The following ALDH1A3 variants were observed in gnomAD, a reference collection of about 807,000 sequenced individuals.
ALDH1A3 encodes the protein retinaldehyde dehydrogenase 3.
In ALDH1A3, 28 loss-of-function variants were observed where a neutral mutation model predicts 57.5. The observed-to-expected ratio is 0.49, with a 90% CI of 0.36 to 0.67. ALDH1A3 has a LOEUF of 0.67. Among genes scored for constraint, ALDH1A3 ranks in the 30% least tolerant of loss-of-function variants. ALDH1A3 has a pLI of 0.00. For synonymous variants in ALDH1A3, 281 were observed against 264.8 expected, an observed-to-expected ratio of 1.06 and a Z score of -0.59; for missense variants, 507 against 669.4, an observed-to-expected ratio of 0.76 and a Z score of 2.68.
rs916173685 is a variant in ALDH1A3 at position 100,907,529 on chromosome 15, G to A, written c.1391+251G>A. On this transcript the variant is annotated intron_variant, in intron 11 of 12. Coordinates refer to ENST00000329841, the MANE Select transcript of ALDH1A3 (RefSeq NM_000693.4). The stretch of plus-strand genomic sequence containing the variant: ...AGGGTCACACAGCTAGCAGATGGCC[G>A]AGAGGGCTCCAGTACCTGTGCCTGT... Among the ~76,000 whole-genome samples the A allele has an allele frequency of 4.6e-5, 7 of 152,172 alleles. 1 individual carries two copies. The highest frequency in any genetic ancestry group is 4.1e-4 in the South Asian group (2 of 4,830).
At chr15:100,898,245 A>G (rs1173034035) in intron 8 of ALDH1A3, 60 bp downstream of exon 8, 2 of 1,472,786 alleles carry the variant, frequency 1.4e-6, no homozygotes, top group African/African-American at 1.4e-5. Context: ...GTCTCCCCCT[A>G]CTTCCTGGCC....
chr15:100,901,893 C>G (rs928630413), intron 9 of ALDH1A3, among the ~76,000 whole-genome samples: 1 of 152,208 alleles, frequency 6.6e-6, no homozygotes. Flanking sequence ...AGTCCACACA[C>G]TCCGACGCCA....
chr15:100,910,213 A>T (rs1179457649), intron 12 of ALDH1A3, among the ~76,000 whole-genome samples: 2 of 152,254 alleles, frequency 1.3e-5, no homozygotes, highest in African/African-American at 2.4e-5. Context: ...AAGCCTGTCC[A>T]TTAGCCTTCC....
At chr15:100,880,060 C>T (rs2041530446) in intron 1 of ALDH1A3, 54 bp downstream of exon 1, 1 of 1,300,514 alleles carries the variant, frequency 7.7e-7, no homozygotes, top group Non-Finnish European at 1.0e-6. Flanking sequence ...GCTGGGCAGC[C>T]AGACTCGGGG....
At position 100,898,051 on chromosome 15, in the gene ALDH1A3, A is replaced by G. The variant is rs201651488; in HGVS notation, c.781-32A>G. The G allele has an allele frequency of 7.5e-6, 12 of 1,595,480 alleles. No homozygotes were observed. The East Asian group carries it at 2.2e-4, about 30-fold the overall frequency. ...CCTGGGCCAAGTTCAGCAACATCCA[A>G]GGTAAATTGTGATCTGTGTTCTGTC... On this transcript the variant is annotated intron_variant, in intron 7 of 12. Transcript: ENST00000329841.
Position 100,916,355 on chromosome 15 carries a change from G to A in ALDH1A3, c.*1582G>A, listed in dbSNP as rs889541583. 3.3e-5 allele frequency: 5 copies of A among 152,384 alleles called. No homozygotes were observed. The highest frequency in any genetic ancestry group is 3.3e-4 in the Admixed American group (5 of 15,272). 9.4% of individuals were successfully genotyped at this position (152,384 alleles called of 1,614,324 possible). ...GAGGGTTCCTATTCTTCCATTGTACGATAATGTCTTTAATATGAAATGCTA... is the reference window on the plus strand; with the variant it reads ...GAGGGTTCCTATTCTTCCATTGTACAATAATGTCTTTAATATGAAATGCTA... On this transcript the variant is annotated 3_prime_UTR_variant, in exon 13 of 13. Transcript: ENST00000329841.
In ALDH1A3 at chr15:100,894,186, C is replaced by G; in HGVS notation, c.666+104C>G. 2 of 1,419,072 alleles carry G rather than the reference C, an allele frequency of 1.4e-6. No homozygotes were observed. Among genetic ancestry groups the G allele is most frequent in the South Asian group, 2.6e-5 (2 of 75,714 alleles). 87.9% of individuals were successfully genotyped at this position (1,419,072 alleles called of 1,614,324 possible). ...GGGACAGTGGCAGACTGCTGGCAAT[C>G]GAGTGGGAAGGGAATGACTTCCAGT... is the stretch of plus-strand genomic sequence containing the variant. On this transcript the variant is annotated intron_variant, in intron 6 of 12. Transcript: ENST00000329841. The surrounding 1 kb of genome is among the most constrained non-coding windows in gnomAD (Gnocchi z 4.5).
chr15:100,902,020 G>A (rs538938985), intron 9 of ALDH1A3, among the ~76,000 whole-genome samples: 268 of 152,332 alleles, frequency 1.8e-3, no homozygotes, highest in Non-Finnish European at 3.0e-3. Flanking sequence ...AATGGCCTCG[G>A]CTGGATTTCA....
chr15:100,900,732 C>T lies in ALDH1A3; in HGVS notation c.1041C>T (p.Phe347=), dbSNP rs748661660. 10 of 1,614,084 alleles carry T rather than the reference C, an allele frequency of 6.2e-6. No individual in the cohort carries two copies. The highest frequency in any genetic ancestry group is 1.1e-5 in the South Asian group (1 of 91,062). The change falls in exon 9 of 13, where the codon TTC becomes TTT. Residue 347 remains phenylalanine, a synonymous_variant. Coordinates refer to ENST00000329841, the MANE Select transcript of ALDH1A3 (RefSeq NM_000693.4). ...YAKKRPVGDP[F]DVKTEQGPQI... is the part of the protein sequence containing the mutation. ...AGAAACGGCCCGTGGGAGACCCCTTCGATGTCAAAACAGAACAGGGGCCTC... is the reference window on the plus strand; with the variant it reads ...AGAAACGGCCCGTGGGAGACCCCTTTGATGTCAAAACAGAACAGGGGCCTC...
intron 1 of ALDH1A3, among the ~76,000 whole-genome samples, chr15:100,882,838 T>C (rs1344126218): frequency 6.6e-6 from 1 of 152,238 alleles, no homozygotes; most frequent in East Asian, 1.9e-4. Context: ...TACCCTTTCC[T>C]TATATTTGTG....
intron 9 of ALDH1A3, among the ~76,000 whole-genome samples, chr15:100,903,429 G>A (rs1278486061): frequency 6.6e-6 from 1 of 152,182 alleles, no homozygotes; most frequent in Non-Finnish European, 1.5e-5. Context: ...GCTGGATGAA[G>A]CCACCAGAAT....
In ALDH1A3 at chr15:100,893,227, T is replaced by C. The variant is rs550044894; in HGVS notation, c.537+221T>C. ...TTTAGGCATGCCACAGAAAGCACTG[T>C]GGTTCCCAGCCAGAGTGGTCAGGAA... On this transcript the variant is annotated intron_variant, in intron 5 of 12. Transcript: ENST00000329841. This position sits in a 1 kb window ranked among gnomAD's most constrained non-coding sequence, Gnocchi z 4.8. 26 of 447,576 alleles carry C rather than the reference T, an allele frequency of 5.8e-5. No homozygotes were observed. Among genetic ancestry groups the C allele is most frequent in the African/African-American group, 4.3e-4 (22 of 50,784 alleles). The allele number at this position is 447,576 out of a possible 1,614,324, so 27.7% of individuals were successfully genotyped here.
At chr15:100,905,378 C>A in intron 9 of ALDH1A3, 145 bp from the exon 10 acceptor site, 1 of 1,016,744 alleles carries the variant, frequency 9.8e-7, no homozygotes, top group Non-Finnish European at 1.4e-6. Context: ...TATTTGCCTG[C>A]AAGGCTCATT....
chr15:100,904,864 A>G (rs2041807094), intron 9 of ALDH1A3, among the ~76,000 whole-genome samples: 1 of 152,168 alleles, frequency 6.6e-6, no homozygotes, highest in Non-Finnish European at 1.5e-5. Flanking sequence ...CCCCACCTGG[A>G]GGCTCATTCT....
chr15:100,909,892 C>A (rs1009065635), intron 12 of ALDH1A3, among the ~76,000 whole-genome samples: 1 of 152,190 alleles, frequency 6.6e-6, no homozygotes, highest in Non-Finnish European at 1.5e-5. Context: ...CTCTAGGGAC[C>A]CAAACTCTTC....
chr15:100,915,078 G>A lies in ALDH1A3; in HGVS notation c.*305G>A. ...ATACTCAGGGCGTTGTTAACAGGGAGTGGTATTTGAAGTGTCCAGCAGTTG... is the reference window on the plus strand; with the variant it reads ...ATACTCAGGGCGTTGTTAACAGGGAATGGTATTTGAAGTGTCCAGCAGTTG... On this transcript the variant is annotated 3_prime_UTR_variant, in exon 13 of 13. Transcript: ENST00000329841. 2.6e-6 allele frequency: 1 copy of A among 381,750 alleles called. No homozygotes were observed. The highest frequency in any genetic ancestry group is 2.9e-5 in the South Asian group (1 of 33,958). The allele number at this position is 381,750 out of a possible 1,614,324, so 23.6% of individuals were successfully genotyped here. A position where few individuals can be genotyped will look rare whatever the true frequency, so the allele number is the denominator to read the frequency against.
intron 9 of ALDH1A3, among the ~76,000 whole-genome samples, chr15:100,903,240 C>T (rs1306424590): frequency 7.5e-6 from 1 of 134,190 alleles, no homozygotes; most frequent in South Asian, 2.4e-4. Flanking sequence ...AGAATGTTTT[C>T]GTGTGCATGC....
chr15:100,883,880 G>A (rs943382706), intron 1 of ALDH1A3, among the ~76,000 whole-genome samples: 1 of 152,142 alleles, frequency 6.6e-6, no homozygotes, highest in Admixed American at 6.5e-5. Context: ...CATCACTGGG[G>A]AGTCAAATGT....
intron 1 of ALDH1A3, among the ~76,000 whole-genome samples, 193 bp from the exon 2 acceptor site, chr15:100,885,074 G>C (rs2141547243): frequency 6.6e-6 from 1 of 152,284 alleles, no homozygotes; most frequent in East Asian, 1.9e-4. Context: ...GTCTGTCCTA[G>C]TTGATCTGTT....
Sources: allele counts gnomAD v4.1 joint callset (sites outside exome capture counted in the v4.1 genomes callset), GRCh38; gene constraint gnomAD v4.1.1; non-coding constraint Gnocchi (gnomAD v3.1); transcripts MANE v1.5; gene names NCBI Gene and HGNC (gene_info 2026-07-23, HGNC 2026-07-21).